The following PIP5K1B variants were observed in gnomAD, a reference collection of about 807,000 sequenced individuals.
PIP5K1B encodes phosphatidylinositol 4-phosphate 5-kinase type-1 beta.
A neutral mutation model predicts 67.0 loss-of-function variants in PIP5K1B; 42 were observed. The observed-to-expected ratio is 0.63, with a 90% CI of 0.49 to 0.81. The LOEUF is 0.81. PIP5K1B is among the 30% of genes least tolerant of loss of function. The pLI is 0.00. For synonymous variants in PIP5K1B, 214 were observed against 231.4 expected, an observed-to-expected ratio of 0.92 and a Z score of 0.68; for missense variants, 459 against 646.3, an observed-to-expected ratio of 0.71 and a Z score of 3.14.
rs1825904190 is a variant in PIP5K1B, at chr9:68,912,518, C to T, written c.772-5030C>T. Reference sequence around the variant, plus strand: ...GTGGAGGAATAACATGAATAGCTGACATTAATTGAGTGCTTTTTGTGTGCC... The same window carrying T: ...GTGGAGGAATAACATGAATAGCTGATATTAATTGAGTGCTTTTTGTGTGCC... On this transcript the variant is annotated intron_variant, in intron 8 of 15. Coordinates refer to ENST00000265382, the MANE Select transcript of PIP5K1B (RefSeq NM_003558.4). 5.9e-5 allele frequency among the ~76,000 whole-genome samples: 9 copies of T among 152,262 alleles called. No individual in the cohort carries two copies. In the South Asian group the frequency reaches 1.5e-3, roughly 25 times the overall value.
intron 1 of PIP5K1B, among the ~76,000 whole-genome samples, chr9:68,719,801 A>G (rs890216482): frequency 1.4e-4 from 22 of 152,332 alleles, no homozygotes; most frequent in African/African-American, 4.8e-4. Context: ...CCTCTCCTAC[A>G]TGACAATTTA....
At chr9:68,808,259 C>A (rs1289839471) in intron 2 of PIP5K1B, among the ~76,000 whole-genome samples, 3 of 152,072 alleles carry the variant, frequency 2.0e-5, no homozygotes, top group African/African-American at 4.8e-5. Context: ...GCAAGAAGTT[C>A]AACTATGTGA....
intron 5 of PIP5K1B, 35 bp from the exon 6 acceptor site, chr9:68,876,642 T>C (rs150325301): frequency 8.4e-7 from 1 of 1,184,978 alleles, no homozygotes; most frequent in Non-Finnish European, 1.3e-6. Flanking sequence ...TAATGTGTTC[T>C]TTCTTTCTCT....
chr9:68,782,407 A>G (rs1027225842), intron 2 of PIP5K1B: 1 of 166,942 alleles, frequency 6.0e-6, no homozygotes, highest in Non-Finnish European at 1.5e-5. Flanking sequence ...TTTAATAAGA[A>G]TAGCAAAAAT....
In PIP5K1B at chr9:68,747,178, G is replaced by A. The variant is rs145156718; in HGVS notation, c.-86+4521G>A. Among the ~76,000 whole-genome samples, 339 of 150,524 alleles carry A rather than the reference G, an allele frequency of 2.3e-3. 8 individuals carry two copies. Among genetic ancestry groups the A allele is most frequent in the East Asian group, 1.6e-3 (8 of 5,130 alleles). ...AGTTTTACTCCGTATAAGGCCCTGG[G>A]GGCAGTCTAGATTTCCTGGGCAACA... On this transcript the variant is annotated intron_variant, in intron 2 of 15. Transcript: ENST00000265382.
intron 4 of PIP5K1B, among the ~76,000 whole-genome samples, chr9:68,850,242 C>T (rs1010518807): frequency 1.3e-5 from 2 of 152,232 alleles, no homozygotes; most frequent in African/African-American, 4.8e-5. Context: ...TCGGACACAT[C>T]ATTTCCTGTC....
At chr9:68,761,230 C>T (rs1279220885) in intron 2 of PIP5K1B, among the ~76,000 whole-genome samples, 1 of 152,054 alleles carries the variant, frequency 6.6e-6, no homozygotes, top group Non-Finnish European at 1.5e-5. Flanking sequence ...CTTGCATGCA[C>T]AAAGCCTCAA....
intron 11 of PIP5K1B, 118 bp from the exon 12 acceptor site, chr9:68,923,184 C>T: frequency 1.4e-6 from 1 of 707,224 alleles, no homozygotes; most frequent in East Asian, 2.6e-5. Context: ...TTTTCTATCT[C>T]TGGGCCACCT....
At chr9:68,900,209 A>G (rs1825292920) in intron 8 of PIP5K1B, among the ~76,000 whole-genome samples, 2 of 152,140 alleles carry the variant, frequency 1.3e-5, no homozygotes, top group Non-Finnish European at 2.9e-5. Context: ...GCTATTGTGA[A>G]TATGGACTTT....
rs770848013 is a variant in PIP5K1B, at chr9:69,007,131, G to A, written c.1621-1316G>A. ...CTAGCTTAGGTGAATGAGAGGGAGCGGCCAACGTATAAAACAAAATAGTAA... is the reference window on the plus strand; with the variant it reads ...CTAGCTTAGGTGAATGAGAGGGAGCAGCCAACGTATAAAACAAAATAGTAA... On this transcript the variant is annotated intron_variant, in intron 15 of 15. Coordinates refer to ENST00000265382, the MANE Select transcript of PIP5K1B (RefSeq NM_003558.4). Among the ~76,000 whole-genome samples, 7 of 152,272 alleles carry A rather than the reference G, an allele frequency of 4.6e-5. No individual in the cohort carries two copies. In the East Asian group the frequency reaches 7.7e-4, roughly 17 times the overall value.
chr9:68,822,474 TTC>T (rs1246418295), intron 3 of PIP5K1B, 139 bp from the exon 4 acceptor site: 60 of 568,360 alleles, frequency 1.1e-4, no homozygotes, highest in Non-Finnish European at 1.4e-4. Flanking sequence ...TCTGAAATGT[TTC>T]TGTCTTCCTT....
chr9:68,987,292 G>A (rs1488624687), intron 14 of PIP5K1B, among the ~76,000 whole-genome samples: 1 of 150,392 alleles, frequency 6.6e-6, no homozygotes, highest in African/African-American at 2.4e-5. Flanking sequence ...GGCCAGGCGT[G>A]GCGGCTTATG....
At chr9:68,958,040 T>G (rs1182375337) in intron 14 of PIP5K1B, among the ~76,000 whole-genome samples, 2 of 152,058 alleles carry the variant, frequency 1.3e-5, no homozygotes, top group Admixed American at 6.6e-5. Flanking sequence ...GCCCGGCTAA[T>G]TTTTGTGTTT....
At chr9:68,893,630 C>A (rs901155817) in intron 7 of PIP5K1B, among the ~76,000 whole-genome samples, 1 of 152,058 alleles carries the variant, frequency 6.6e-6, no homozygotes, top group Admixed American at 6.5e-5. Context: ...CAGTGCCCAG[C>A]CTCCCTGTTT....
intron 1 of PIP5K1B, among the ~76,000 whole-genome samples, chr9:68,731,016 A>C (rs1322071168): frequency 2.6e-5 from 4 of 152,358 alleles, no homozygotes; most frequent in Middle Eastern, 3.4e-3. Flanking sequence ...ATCATTAACC[A>C]GTAAACAGAT....
At chr9:68,887,003 C>G (rs1587617850) in intron 6 of PIP5K1B, among the ~76,000 whole-genome samples, 1 of 152,306 alleles carries the variant, frequency 6.6e-6, no homozygotes, top group East Asian at 1.9e-4. Context: ...TCTCTTCCCT[C>G]TGCCTGAAGT....
intron 14 of PIP5K1B, among the ~76,000 whole-genome samples, chr9:68,957,234 GA>G (rs565344023): frequency 2.3e-3 from 331 of 142,256 alleles, no homozygotes; most frequent in South Asian, 6.3e-3. Context: ...AATAGAAAAA[GA>G]AAAAAAAAAA....
chr9:68,842,453 T>C (rs1821965790), intron 4 of PIP5K1B, among the ~76,000 whole-genome samples: 1 of 152,074 alleles, frequency 6.6e-6, no homozygotes, highest in Non-Finnish European at 1.5e-5. Context: ...AACTGTGGAG[T>C]ATTAAAGCAT....
intron 6 of PIP5K1B, among the ~76,000 whole-genome samples, chr9:68,880,592 TACACACACACACACACACAC>T (rs763461495): frequency 1.3e-5 from 1 of 77,004 alleles, no homozygotes; most frequent in African/African-American, 3.7e-5. Flanking sequence ...CACACACGCA[TACACACACACACACACACAC>T]ACACGCATAC....
Sources: allele counts gnomAD v4.1 joint callset (sites outside exome capture counted in the v4.1 genomes callset), GRCh38; gene constraint gnomAD v4.1.1; transcripts MANE v1.5; gene names NCBI Gene and HGNC (gene_info 2026-07-23, HGNC 2026-07-21).